The following PSMB2 variants were observed in gnomAD, a reference collection of about 807,000 sequenced individuals.
The protein encoded by PSMB2 is proteasome 20S subunit beta 2, also known as proteasome subunit beta type-2.
PSMB2 carries 13 observed loss-of-function variants against 25.7 expected under a neutral mutation model. The observed-to-expected ratio is 0.51, with a 90% CI of 0.33 to 0.80. The LOEUF is 0.80. Among genes scored for constraint, PSMB2 ranks in the 30% least tolerant of loss-of-function variants. The pLI, the probability that PSMB2 is intolerant of heterozygous loss-of-function variation, is 0.02. For synonymous variants in PSMB2, 87 were observed against 96.2 expected (o/e 0.90, Z 0.56); for missense variants, 202 against 259.0 (o/e 0.78, Z 1.51).
intron 3 of PSMB2, among the ~76,000 whole-genome samples, chr1:35,618,302 T>G (rs1168903697): frequency 6.6e-6 from 1 of 152,212 alleles, no homozygotes; most frequent in Non-Finnish European, 1.5e-5. Context: ...GAGCTCAATT[T>G]GGACCTAATG....
chr1:35,624,571 G>A (rs916206977), intron 3 of PSMB2, among the ~76,000 whole-genome samples: 1 of 151,932 alleles, frequency 6.6e-6, no homozygotes, highest in Non-Finnish European at 1.5e-5. Flanking sequence ...TGGCCAACAT[G>A]GTGAAACCCC....
intron 3 of PSMB2, among the ~76,000 whole-genome samples, chr1:35,610,156 T>C (rs997324991): frequency 1.3e-5 from 2 of 152,150 alleles, no homozygotes; most frequent in African/African-American, 2.4e-5. Context: ...AAACAACTTA[T>C]AGCTGGGCAC....
At chr1:35,636,201 A>T in intron 2 of PSMB2, 109 bp downstream of exon 2, 1 of 1,380,580 alleles carries the variant, frequency 7.2e-7, no homozygotes, top group Non-Finnish European at 1.0e-6. Flanking sequence ...TCTAACATCT[A>T]GAACTGTGAG....
At chr1:35,622,810 T>TAA (rs113355309) in intron 3 of PSMB2, among the ~76,000 whole-genome samples, 13 of 133,170 alleles carry the variant, frequency 9.8e-5, no homozygotes, top group African/African-American at 2.8e-4. Context: ...ACAGCACATT[T>TAA]AAAAAAAAAA....
At position 35,603,359 on chromosome 1, in the gene PSMB2, T is replaced by G. The variant is rs765004257; in HGVS notation, c.514A>C (p.Ile172Leu). The change falls in exon 6 of 6, where the codon ATC becomes CTC. Residue 172 changes from isoleucine (I) to leucine (L), a missense_variant. Physicochemically the swap from Ile to Leu is conservative, Grantham distance 5. Transcript: ENST00000373237. ...KCLEELQKRFILNLPTFSVRI... is the reference protein window; with the variant it reads ...KCLEELQKRFLLNLPTFSVRI... Reference sequence around the variant, plus strand: ...ACACTGAAGGTTGGCAGATTCAGGATGAAGCGTTTCTGGAGCTGCAGAGAG... The same window carrying G: ...ACACTGAAGGTTGGCAGATTCAGGAGGAAGCGTTTCTGGAGCTGCAGAGAG... The G allele has an allele frequency of 6.2e-7, 1 of 1,614,158 alleles. No individual in the cohort carries two copies. The highest frequency in any genetic ancestry group is 1.1e-5 in the South Asian group (1 of 91,086).
intron 3 of PSMB2, among the ~76,000 whole-genome samples, chr1:35,621,017 T>A (rs146335631): frequency 0.015 from 2,305 of 151,800 alleles, 60 homozygotes; most frequent in African/African-American, 0.051. Flanking sequence ...TAAATAAATA[T>A]ATATATTTAT....
intron 4 of PSMB2, 122 bp downstream of exon 4, chr1:35,609,124 T>C: frequency 2.1e-6 from 2 of 972,020 alleles, no homozygotes; most frequent in Non-Finnish European, 1.4e-6. Flanking sequence ...GGAACCTGGT[T>C]ATGCTTCTTA....
intron 1 of PSMB2, among the ~76,000 whole-genome samples, chr1:35,637,068 G>A (rs1367182227): frequency 6.6e-6 from 1 of 152,132 alleles, no homozygotes; most frequent in African/African-American, 2.4e-5. Context: ...GGAACAGAAC[G>A]ACAGAAGAAA....
At chr1:35,614,010 T>A (rs1237663743) in intron 3 of PSMB2, among the ~76,000 whole-genome samples, 2 of 152,192 alleles carry the variant, frequency 1.3e-5, no homozygotes, top group Non-Finnish European at 2.9e-5. Flanking sequence ...TGTGTCTTCA[T>A]AAAGGGATAT....
chr1:35,641,253 C>A (rs1411312037), intron 1 of PSMB2, 89 bp downstream of exon 1: 7 of 1,516,536 alleles, frequency 4.6e-6, no homozygotes, highest in Admixed American at 3.8e-5. Flanking sequence ...TCTCTCAGAT[C>A]CTCCCTGGTA....
At chr1:35,641,013 A>C (rs1180939639) in intron 1 of PSMB2, among the ~76,000 whole-genome samples, 1 of 150,664 alleles carries the variant, frequency 6.6e-6, no homozygotes, top group Non-Finnish European at 1.5e-5. Context: ...CAATATGGAG[A>C]AATCCACATC....
At chr1:35,629,085 C>T (rs1050977400) in intron 3 of PSMB2, among the ~76,000 whole-genome samples, 32 of 152,264 alleles carry the variant, frequency 2.1e-4, no homozygotes, top group Admixed American at 2.1e-3. Context: ...TTCACTTCAT[C>T]TCAGTGATAG....
Position 35,636,392 on chromosome 1 carries a change from G to C in PSMB2, c.132C>G (p.Leu44=). The C allele has an allele frequency of 6.2e-7, 1 of 1,613,934 alleles. No individual in the cohort carries two copies. Residue 44 remains leucine, a synonymous_variant, in exon 2 of 6, where the codon CTC becomes CTG. Transcript: ENST00000373237. ...TGTCTCCAGCCTCTCCAACACACAG[G>C]AGTAATATCTTTTCACTCATCTTAA... ...KMFKMSEKIL[L]LCVGEAGDTV... is the part of the protein sequence containing the mutation.
At chr1:35,632,289 C>A (rs774963702) in intron 2 of PSMB2, among the ~76,000 whole-genome samples, 1 of 152,158 alleles carries the variant, frequency 6.6e-6, no homozygotes, top group Non-Finnish European at 1.5e-5. Context: ...ATCAGGTGTG[C>A]ATGTAATAAC....
rs148878573 is a variant in PSMB2 at position 35,610,559 on chromosome 1, G to A, written c.286-1151C>T. ...CCCCCAGGCTGGAGAGCAATGGTGC[G>A]ATCTTGGCTCACCGCAACCTCTACC... On this transcript the variant is annotated intron_variant, in intron 3 of 5. Transcript: ENST00000373237. Among the ~76,000 whole-genome samples the A allele has an allele frequency of 3.4e-3, 517 of 152,132 alleles. 3 individuals are homozygous for A. Among genetic ancestry groups the A allele is most frequent in the African/African-American group, 0.012 (498 of 41,500 alleles).
chr1:35,625,972 G>A (rs1650848784), intron 3 of PSMB2, among the ~76,000 whole-genome samples: 1 of 151,872 alleles, frequency 6.6e-6, no homozygotes, highest in Non-Finnish European at 1.5e-5. Context: ...GAGTAACTGG[G>A]ATTACAGGTG....
At position 35,641,412 on chromosome 1, in the gene PSMB2, G is replaced by A. The variant is rs368998311; in HGVS notation, c.21C>T (p.Ile7=). ...CGACAAGAACATAGTCGGGGCCTTG[G>A]ATACCGATGAGGTACTCCATGGTGG... MEYLIG[I]QGPDYVLVAS... is the part of the protein sequence containing the mutation. Residue 7 remains isoleucine, a synonymous_variant, in exon 1 of 6, where the codon ATC becomes ATT. Coordinates refer to ENST00000373237, the MANE Select transcript of PSMB2 (RefSeq NM_002794.5). 3 of 1,614,000 alleles carry A rather than the reference G, an allele frequency of 1.9e-6. No individual in the cohort carries two copies. The highest frequency in any genetic ancestry group is 2.5e-6 in the Non-Finnish European group (3 of 1,180,040).
chr1:35,615,656 A>T, intron 3 of PSMB2, among the ~76,000 whole-genome samples: 1 of 152,182 alleles, frequency 6.6e-6, no homozygotes, highest in East Asian at 1.9e-4. Context: ...GGGCGTGAGG[A>T]AGCATCCTGC....
chr1:35,606,376 C>A (rs1016397213), intron 4 of PSMB2, among the ~76,000 whole-genome samples: 2 of 151,958 alleles, frequency 1.3e-5, no homozygotes, highest in East Asian at 1.9e-4. Context: ...AATTAATATA[C>A]AAAAATCAGT....
Sources: gnomAD v4.1 joint callset for allele counts (sites outside exome capture counted in the v4.1 genomes callset) on GRCh38, gnomAD v4.1.1 for gene constraint, MANE v1.5 for transcripts, NCBI Gene and HGNC (gene_info 2026-07-23, HGNC 2026-07-21) for gene names.